MAPKAPK2: variants seen among roughly 807,000 people sequenced by gnomAD.
MAPKAPK2 encodes MAP kinase-activated protein kinase 2.
Under a neutral mutation model 48.8 loss-of-function variants are expected in MAPKAPK2, and 9 were observed. That is an observed-to-expected ratio of 0.18 (90% CI 0.11 to 0.32). The LOEUF is 0.32. Among genes scored for constraint, MAPKAPK2 ranks in the 10% least tolerant of loss-of-function variants. The pLI is 1.00. For missense variants in MAPKAPK2, 331 were observed against 498.3 expected, an observed-to-expected ratio of 0.66 and a Z score of 3.20; for synonymous variants, 202 against 190.6, an observed-to-expected ratio of 1.06 and a Z score of -0.49.
Position 206,733,000 on chromosome 1 carries a change from C to G in MAPKAPK2, c.*282C>G. 1 of 403,266 alleles carries G rather than the reference C, an allele frequency of 2.5e-6. No homozygotes were observed. Among genetic ancestry groups the G allele is most frequent in the South Asian group, 3.6e-5 (1 of 27,524 alleles). The allele number at this position is 403,266 out of a possible 1,614,324, so 25.0% of individuals were successfully genotyped here. On this transcript the variant is annotated 3_prime_UTR_variant, in exon 10 of 10. Coordinates refer to ENST00000367103, the MANE Select transcript of MAPKAPK2 (RefSeq NM_032960.4). This position sits in a 1 kb window ranked among gnomAD's most constrained non-coding sequence, Gnocchi z 4.4. ...ATTTGACTTAGAGTTTTTACGAAAC[C>G]TCTTTTGTTGTCCTTGCCCCACTCC...
At chr1:206,685,575 T>G (rs2102367032) in intron 1 of MAPKAPK2, 67 bp downstream of exon 1, 2 of 1,306,986 alleles carry the variant, frequency 1.5e-6, no homozygotes, top group Admixed American at 3.6e-5. Flanking sequence ...CGGCGTCGGG[T>G]GCCCGTCCCG....
intron 1 of MAPKAPK2, among the ~76,000 whole-genome samples, chr1:206,719,093 G>T (rs1447935745): frequency 1.3e-5 from 2 of 152,046 alleles, no homozygotes; most frequent in Non-Finnish European, 2.9e-5. Flanking sequence ...GCTTTGAACT[G>T]CCTGTTCTTA....
intron 1 of MAPKAPK2, among the ~76,000 whole-genome samples, chr1:206,722,013 C>T (rs1298973132): frequency 6.7e-6 from 1 of 148,250 alleles, no homozygotes; most frequent in Admixed American, 6.7e-5. Context: ...TGCGGTGAGC[C>T]GAGATCGCAC....
chr1:206,713,424 G>GAT (rs1673222301), intron 1 of MAPKAPK2, among the ~76,000 whole-genome samples: 1 of 152,216 alleles, frequency 6.6e-6, no homozygotes, highest in Admixed American at 6.5e-5. Context: ...AGGAGCTAGG[G>GAT]AAGACTAAGT....
intron 1 of MAPKAPK2, among the ~76,000 whole-genome samples, chr1:206,714,601 T>A (rs1673266353): frequency 6.7e-6 from 1 of 149,630 alleles, no homozygotes; most frequent in East Asian, 1.9e-4. Flanking sequence ...CTGTCTCTAC[T>A]TAAAAAAAAA....
chr1:206,686,690 T>C (rs1400159906), intron 1 of MAPKAPK2, among the ~76,000 whole-genome samples: 3 of 152,156 alleles, frequency 2.0e-5, no homozygotes, highest in African/African-American at 7.2e-5. Flanking sequence ...AACTCAGAAA[T>C]GTGGTATGGG....
chr1:206,724,664 A>G (rs1480545764), intron 1 of MAPKAPK2, among the ~76,000 whole-genome samples: 1 of 151,858 alleles, frequency 6.6e-6, no homozygotes, highest in African/African-American at 2.4e-5. Flanking sequence ...AATTTAAAAT[A>G]CTACCTTTTC....
At chr1:206,722,936 T>G (rs1187981863) in intron 1 of MAPKAPK2, among the ~76,000 whole-genome samples, 1 of 152,232 alleles carries the variant, frequency 6.6e-6, no homozygotes, top group Non-Finnish European at 1.5e-5. Context: ...TGGGTTAGTG[T>G]GTGACACACG....
rs782469293 is a variant in MAPKAPK2, at chr1:206,732,692, C to T, written c.1177C>T (p.Leu393=). ...GAAGAGGCGGAAGAAAGCTCGGGCC[C>T]TGGAGGCTGCGGCTCTGGCCCACTG... ...LLKRRKKARA[L]EAAALAH is the part of the protein sequence containing the mutation. The change falls in exon 10 of 10, where the codon CTG becomes TTG. Residue 393 remains leucine (L), a synonymous_variant. Coordinates refer to ENST00000367103, the MANE Select transcript of MAPKAPK2 (RefSeq NM_032960.4). This position sits in a 1 kb window ranked among gnomAD's most constrained non-coding sequence, Gnocchi z 4.4. 8 of 1,614,238 alleles carry T rather than the reference C, an allele frequency of 5.0e-6. No individual in the cohort carries two copies. The highest frequency in any genetic ancestry group is 6.8e-6 in the Non-Finnish European group (8 of 1,180,044).
chr1:206,732,399 G>A lies in MAPKAPK2; in HGVS notation c.1060-176G>A. 6.9e-7 allele frequency: 1 copy of A among 1,455,710 alleles called. No homozygotes were observed. 90.2% of individuals were successfully genotyped at this position (1,455,710 alleles called of 1,614,324 possible). A position where few individuals can be genotyped will look rare whatever the true frequency, so the allele number is the denominator to read the frequency against. ...AGGCTCTCTGCTGCCCAGCGCTGGG[G>A]TGAGGCTGCCGTTGTCAGCGTGGAC... On this transcript the variant is annotated intron_variant, in intron 9 of 9. Coordinates refer to ENST00000367103, the MANE Select transcript of MAPKAPK2 (RefSeq NM_032960.4). This position sits in a 1 kb window ranked among gnomAD's most constrained non-coding sequence, Gnocchi z 4.4.
chr1:206,696,110 A>G lies in MAPKAPK2; in HGVS notation c.279+10602A>G. 5 of 1,388,810 alleles carry G rather than the reference A, an allele frequency of 3.6e-6. No individual in the cohort carries two copies. The South Asian group carries it at 4.6e-5, about 13-fold the overall frequency. The allele number at this position is 1,388,810 out of a possible 1,614,324, so 86.0% of individuals were successfully genotyped here. On this transcript the variant is annotated intron_variant, in intron 1 of 9. Coordinates refer to ENST00000367103, the MANE Select transcript of MAPKAPK2 (RefSeq NM_032960.4). ...ACCTTCATCCTACCAGTCACACGGC[A>G]GATGATTTCTTTGCCAGAAAGATCA... is the stretch of plus-strand genomic sequence containing the variant.
intron 1 of MAPKAPK2, 34 bp downstream of exon 1, chr1:206,685,542 C>G: frequency 9.0e-6 from 13 of 1,451,008 alleles, no homozygotes; most frequent in South Asian, 3.8e-5. Context: ...GAGGCGGGGC[C>G]GGTCCCGGGC....
intron 1 of MAPKAPK2, among the ~76,000 whole-genome samples, chr1:206,716,741 C>T (rs1553430456): frequency 6.6e-6 from 1 of 152,026 alleles, no homozygotes; most frequent in Non-Finnish European, 1.5e-5. Flanking sequence ...TGTTCCTGAC[C>T]TCCTTCCGTC....
intron 1 of MAPKAPK2, among the ~76,000 whole-genome samples, chr1:206,720,772 T>G (rs1553431093): frequency 1.3e-5 from 2 of 152,162 alleles, no homozygotes; most frequent in African/African-American, 4.8e-5. Flanking sequence ...GTTTTGATAA[T>G]GAAATTTAAA....
chr1:206,700,389 C>T (rs17350838), intron 1 of MAPKAPK2, among the ~76,000 whole-genome samples: 22,900 of 152,168 alleles, frequency 0.15, 2,142 homozygotes, highest in Non-Finnish European at 0.21. Context: ...CTGATTCCCA[C>T]CTGGCATTTT....
intron 1 of MAPKAPK2, among the ~76,000 whole-genome samples, chr1:206,700,175 C>G (rs753667076): frequency 2.6e-5 from 4 of 152,090 alleles, no homozygotes; most frequent in Non-Finnish European, 5.9e-5. Context: ...TTCCACTCTC[C>G]TTTCCTCTGA....
At chr1:206,724,108 CCTT>C (rs1290251191) in intron 1 of MAPKAPK2, among the ~76,000 whole-genome samples, 5 of 152,234 alleles carry the variant, frequency 3.3e-5, no homozygotes, top group Admixed American at 6.5e-5. Flanking sequence ...GAAGACCCTT[CCTT>C]CTTCTAGTCT....
At chr1:206,700,636 C>T (rs1454119651) in intron 1 of MAPKAPK2, among the ~76,000 whole-genome samples, 1 of 152,144 alleles carries the variant, frequency 6.6e-6, no homozygotes, top group Admixed American at 6.5e-5. Flanking sequence ...GGGCAAGAAG[C>T]CAGTTGTGTT....
At chr1:206,714,170 T>C (rs1321550767) in intron 1 of MAPKAPK2, among the ~76,000 whole-genome samples, 1 of 152,244 alleles carries the variant, frequency 6.6e-6, no homozygotes, top group Non-Finnish European at 1.5e-5. Context: ...TGGCCATTTA[T>C]AACAACTGCA....
Sources: gnomAD v4.1 joint callset for allele counts (sites outside exome capture counted in the v4.1 genomes callset) on GRCh38, gnomAD v4.1.1 for gene constraint, Gnocchi (gnomAD v3.1) non-coding constraint, MANE v1.5 for transcripts, NCBI Gene and HGNC (gene_info 2026-07-23, HGNC 2026-07-21) for gene names.